Variants in OMA1 observed in about 807,000 individuals in gnomAD.
OMA1 encodes the protein OMA1 zinc metallopeptidase.
In OMA1, 38 loss-of-function variants were observed where a neutral mutation model predicts 30.9. The ratio of observed to expected loss-of-function variants is 1.23; its 90% CI spans 0.95 to 1.61. The LOEUF is 1.61. OMA1 is among the 40% of genes most tolerant of loss of function. The probability of loss-of-function intolerance (pLI) is 0.00; values close to 1 mark genes in which losing one functional copy is unlikely to be tolerated. For missense variants in OMA1, 461 were observed against 349.2 expected, an observed-to-expected ratio of 1.32 and a Z score of -2.55; for synonymous variants, 173 against 121.9, an observed-to-expected ratio of 1.42 and a Z score of -2.76.
chr1:58,527,276 T>C lies in OMA1; in HGVS notation c.1200A>G (p.Leu400=), dbSNP rs750388181. The C allele has an allele frequency of 1.1e-6, 1 of 872,324 alleles. No homozygotes were observed. Among genetic ancestry groups the C allele is most frequent in the Non-Finnish European group, 2.0e-6 (1 of 501,260 alleles). The allele number at this position is 872,324 out of a possible 1,614,324, so 54.0% of individuals were successfully genotyped here. Residue 400 remains leucine (L), a synonymous_variant, in exon 7 of 9, where the codon CTA becomes CTG. Coordinates refer to ENST00000371226, the MANE Select transcript of OMA1 (RefSeq NM_145243.5). ...KLEAEADKIG[L]LLAAKACADI... ...AACACTTTACCTTTGCAGCAAGCAGTAGTCCAATTTTGTCAGCTTCGGCCT... is the reference window on the plus strand; with the variant it reads ...AACACTTTACCTTTGCAGCAAGCAGCAGTCCAATTTTGTCAGCTTCGGCCT...
intron 8 of OMA1, among the ~76,000 whole-genome samples, chr1:58,491,073 C>A (rs1034835283): frequency 3.9e-5 from 6 of 152,052 alleles, no homozygotes; most frequent in African/African-American, 1.5e-4. Context: ...TCCCAAAGTG[C>A]TGAGATTACA....
At chr1:58,503,572 C>T (rs897367460) in intron 8 of OMA1, among the ~76,000 whole-genome samples, 2 of 151,964 alleles carry the variant, frequency 1.3e-5, no homozygotes, top group African/African-American at 4.8e-5. Flanking sequence ...GAGGTAAGCG[C>T]CTTTGGGAGG....
chr1:58,505,542 G>T (rs763067892), intron 8 of OMA1, among the ~76,000 whole-genome samples: 27 of 151,990 alleles, frequency 1.8e-4, no homozygotes, highest in Non-Finnish European at 1.9e-4. Context: ...AGAAAGAAAA[G>T]CCAGAGAGCA....
At chr1:58,506,946 C>T (rs1645998804) in intron 7 of OMA1, among the ~76,000 whole-genome samples, 2 of 151,782 alleles carry the variant, frequency 1.3e-5, no homozygotes, top group African/African-American at 4.8e-5. Flanking sequence ...ATGTACAATT[C>T]CATCATACAC....
chr1:58,539,233 G>A lies in OMA1; in HGVS notation c.62C>T (p.Ser21Leu), dbSNP rs1408391364. The stretch of plus-strand genomic sequence containing the variant: ...GTTACATTTTCTCCAGTTAGACAGT[G>A]AATTAAATCGGAAGAAAACATGGTT... ...ARNHVFFRFN[S>L]LSNWRKCNTL... Residue 21 changes from serine (S) to leucine (L), a missense_variant, in exon 2 of 9, where the codon TCA (serine) becomes TTA (leucine). Physicochemically the swap from Ser to Leu is moderately radical, Grantham distance 145. Transcript: ENST00000371226. 6.9e-6 allele frequency: 6 copies of A among 870,506 alleles called. No homozygotes were observed. The highest frequency in any genetic ancestry group is 6.6e-5 in the South Asian group (5 of 75,786). The allele number at this position is 870,506 out of a possible 1,614,324, so 53.9% of individuals were successfully genotyped here. A position where few individuals can be genotyped will look rare whatever the true frequency, so the allele number is the denominator to read the frequency against.
In OMA1 at chr1:58,508,705, C is replaced by T. The variant is rs144160742; in HGVS notation, c.1216-2496G>A. On this transcript the variant is annotated intron_variant, in intron 7 of 8. Transcript: ENST00000371226. ...CTTGTAGCACTGATGGAATCTAAAACGCCCTAGATATCTAGGGGCCAGTGA... is the reference window on the plus strand; with the variant it reads ...CTTGTAGCACTGATGGAATCTAAAATGCCCTAGATATCTAGGGGCCAGTGA... Among the ~76,000 whole-genome samples the T allele has an allele frequency of 2.6e-4, 40 of 152,082 alleles. No homozygotes were observed. The East Asian group carries it at 6.0e-3, about 23-fold the overall frequency.
intron 3 of OMA1, among the ~76,000 whole-genome samples, chr1:58,536,224 C>A (rs1024457476): frequency 1.3e-5 from 2 of 152,012 alleles, no homozygotes; most frequent in Non-Finnish European, 2.9e-5. Context: ...AGGGCCTGAT[C>A]CAGTCACCCT....
chr1:58,497,505 G>A (rs1270185823), intron 8 of OMA1, among the ~76,000 whole-genome samples: 2 of 152,122 alleles, frequency 1.3e-5, no homozygotes, highest in African/African-American at 2.4e-5. Context: ...TCCAAAATAA[G>A]ACTCCAGGAG....
chr1:58,497,700 G>T (rs925510261), intron 8 of OMA1, among the ~76,000 whole-genome samples: 4 of 152,150 alleles, frequency 2.6e-5, no homozygotes, highest in African/African-American at 4.8e-5. Context: ...CTCTGTACCA[G>T]AAAGAGAAGG....
chr1:58,484,107 A>G (rs901010792), intron 8 of OMA1, among the ~76,000 whole-genome samples: 6 of 152,166 alleles, frequency 3.9e-5, no homozygotes, highest in African/African-American at 1.4e-4. Flanking sequence ...TTAATACAAC[A>G]AATATTTAGA....
At chr1:58,492,148 A>C (rs61781786) in intron 8 of OMA1, among the ~76,000 whole-genome samples, 17,575 of 152,142 alleles carry the variant, frequency 0.12, 1,208 homozygotes, top group African/African-American at 0.18. Context: ...ACTGAACAAC[A>C]TGCTCCTGAA....
chr1:58,542,170 T>G (rs1461509062), intron 1 of OMA1, among the ~76,000 whole-genome samples: 1 of 152,232 alleles, frequency 6.6e-6, no homozygotes, highest in Non-Finnish European at 1.5e-5. Context: ...GTTAACCCTT[T>G]TTGAAATACA....
chr1:58,540,205 G>A (rs1646585134), intron 1 of OMA1, among the ~76,000 whole-genome samples: 1 of 151,888 alleles, frequency 6.6e-6, no homozygotes, highest in African/African-American at 2.4e-5. Flanking sequence ...ACCGAAAGCT[G>A]CTCTGGCCCC....
intron 7 of OMA1, among the ~76,000 whole-genome samples, chr1:58,521,218 G>A (rs1233012778): frequency 6.6e-6 from 1 of 151,570 alleles, no homozygotes; most frequent in African/African-American, 2.4e-5. Context: ...AAACCACAGC[G>A]AAAACAAGAA....
chr1:58,526,018 C>T (rs566390519), intron 7 of OMA1, among the ~76,000 whole-genome samples: 1 of 152,128 alleles, frequency 6.6e-6, no homozygotes. Context: ...AAAGATGTTG[C>T]CCTCTTCCTC....
intron 7 of OMA1, among the ~76,000 whole-genome samples, chr1:58,518,927 A>G (rs887187299): frequency 1.2e-4 from 19 of 152,214 alleles, no homozygotes; most frequent in Non-Finnish European, 2.4e-4. Context: ...AAGTTGAGGC[A>G]CAAAAAGGAT....
intron 7 of OMA1, among the ~76,000 whole-genome samples, chr1:58,515,277 C>T (rs747641878): frequency 2.6e-5 from 4 of 152,184 alleles, no homozygotes; most frequent in Admixed American, 6.5e-5. Flanking sequence ...CAATCCCTCA[C>T]ACCAAGAGAA....
intron 8 of OMA1, among the ~76,000 whole-genome samples, chr1:58,500,808 T>C (rs1005299119): frequency 2.0e-5 from 3 of 152,186 alleles, no homozygotes; most frequent in Admixed American, 6.5e-5. Context: ...AAGTGGAGAA[T>C]AAGAAATTCA....
intron 8 of OMA1, among the ~76,000 whole-genome samples, chr1:58,501,859 G>A (rs1645911784): frequency 6.6e-6 from 1 of 152,098 alleles, no homozygotes; most frequent in Non-Finnish European, 1.5e-5. Context: ...GAAGGGTGGG[G>A]CCCTGATCGA....
Sources: allele counts gnomAD v4.1 joint callset (sites outside exome capture counted in the v4.1 genomes callset), GRCh38; gene constraint gnomAD v4.1.1; transcripts MANE v1.5; gene names NCBI Gene and HGNC (gene_info 2026-07-23, HGNC 2026-07-21).